Variants in UBE4B observed in about 807,000 individuals in gnomAD.
UBE4B encodes ubiquitination factor E4B.
In UBE4B, 27 loss-of-function variants were observed where a neutral mutation model predicts 148.1. The ratio of observed to expected loss-of-function variants is 0.18; its 90% CI spans 0.13 to 0.25. The LOEUF is 0.25. Among genes scored for constraint, UBE4B ranks in the 10% least tolerant of loss-of-function variants. The pLI, the probability that UBE4B is intolerant of heterozygous loss-of-function variation, is 1.00. For missense variants in UBE4B, 1,170 were observed against 1,662.4 expected, an observed-to-expected ratio of 0.70 and a Z score of 5.15; for synonymous variants, 596 against 619.3, an observed-to-expected ratio of 0.96 and a Z score of 0.56.
At chr1:10,162,337 C>T (rs1352469091) in intron 23 of UBE4B, among the ~76,000 whole-genome samples, 1 of 152,004 alleles carries the variant, frequency 6.6e-6, no homozygotes, top group Non-Finnish European at 1.5e-5. Context: ...CTACGCCTGG[C>T]TTATTTTTTG....
intron 1 of UBE4B, among the ~76,000 whole-genome samples, chr1:10,046,007 G>A (rs1008371570): frequency 2.0e-5 from 3 of 152,204 alleles, no homozygotes; most frequent in Non-Finnish European, 4.4e-5. Flanking sequence ...GCAGCTCTGC[G>A]CTCATTAGGA....
rs528801461 is a variant in UBE4B, at chr1:10,043,305, G to A, written c.24+9611G>A. 7.2e-5 allele frequency among the ~76,000 whole-genome samples: 11 copies of A among 151,748 alleles called. No individual in the cohort carries two copies. The South Asian group carries it at 1.9e-3, about 26-fold the overall frequency. ...ATTACAGGTGTGAGCCACCGCACCC[G>A]GCCAACTTTCAGTAAAAACTTACTG... On this transcript the variant is annotated intron_variant, in intron 1 of 27. Transcript: ENST00000343090.
In UBE4B at chr1:10,101,093, C is replaced by G; in HGVS notation, c.348-15C>G. 1 of 1,612,840 alleles carries G rather than the reference C, an allele frequency of 6.2e-7. No homozygotes were observed. Among genetic ancestry groups the G allele is most frequent in the Non-Finnish European group, 8.5e-7 (1 of 1,178,930 alleles). On this transcript the variant is annotated splice_polypyrimidine_tract_variant and intron_variant, in intron 3 of 27. Coordinates refer to ENST00000343090, the MANE Select transcript of UBE4B (RefSeq NM_001105562.3). ...TATAAAAGGTAAAAGGCTTGTTTGTCTTTTGTACTTTAAGCATGTCCCAGG... is the reference window on the plus strand; with the variant it reads ...TATAAAAGGTAAAAGGCTTGTTTGTGTTTTGTACTTTAAGCATGTCCCAGG...
At position 10,130,750 on chromosome 1, in the gene UBE4B, C is replaced by T. The variant is rs780601729; in HGVS notation, c.1848C>T (p.Ala616=). The change falls in exon 14 of 28, where the codon GCC becomes GCT. Residue 616 remains alanine, a synonymous_variant. Coordinates refer to ENST00000343090, the MANE Select transcript of UBE4B (RefSeq NM_001105562.3). ...TTGAAAAATACTTCTCAGGGCCTGC[C>T]ATTACCCTGGAAAACACTCGTGTGG... ...KVVEKYFSGP[A]ITLENTRVVS... 4 of 1,614,116 alleles carry T rather than the reference C, an allele frequency of 2.5e-6. No individual in the cohort carries two copies. The highest frequency in any genetic ancestry group is 3.4e-6 in the Non-Finnish European group (4 of 1,180,010).
intron 21 of UBE4B, among the ~76,000 whole-genome samples, chr1:10,155,788 C>T (rs762130708): frequency 3.0e-4 from 45 of 152,136 alleles, no homozygotes; most frequent in Non-Finnish European, 5.0e-4. Flanking sequence ...TTTGGGAGTC[C>T]GAGACAGGTG....
chr1:10,161,009 C>G lies in UBE4B; in HGVS notation c.3054-133C>G. The G allele has an allele frequency of 1.1e-6, 1 of 924,576 alleles. No individual in the cohort carries two copies. The highest frequency in any genetic ancestry group is 1.6e-6 in the Non-Finnish European group (1 of 607,348). 57.3% of individuals were successfully genotyped at this position (924,576 alleles called of 1,614,324 possible). On this transcript the variant is annotated intron_variant, in intron 22 of 27. Transcript: ENST00000343090. The surrounding 1 kb of genome is among the most constrained non-coding windows in gnomAD (Gnocchi z 4.1). ...GGTCCTTGAATTCCATAGTGCCTGA[C>G]TTGTGCCAGGGTAGCCAGGCTTTTA...
At chr1:10,131,781 T>C (rs1298122614) in intron 14 of UBE4B, among the ~76,000 whole-genome samples, 1 of 151,904 alleles carries the variant, frequency 6.6e-6, no homozygotes, top group Non-Finnish European at 1.5e-5. Context: ...TGAAACCCCA[T>C]CTCTACTAAA....
chr1:10,047,277 G>A (rs1011589363), intron 1 of UBE4B, among the ~76,000 whole-genome samples: 1 of 152,098 alleles, frequency 6.6e-6, no homozygotes, highest in African/African-American at 2.4e-5. Context: ...GAAAATCTGG[G>A]TAGGTGGCTG....
At chr1:10,130,194 C>A (rs1204637037) in intron 12 of UBE4B, among the ~76,000 whole-genome samples, 1 of 152,172 alleles carries the variant, frequency 6.6e-6, no homozygotes, top group Non-Finnish European at 1.5e-5. Flanking sequence ...TTGGCCTCAG[C>A]CTCCCCAGTA....
At chr1:10,037,596 C>T (rs887349708) in intron 1 of UBE4B, among the ~76,000 whole-genome samples, 9 of 151,554 alleles carry the variant, frequency 5.9e-5, no homozygotes, top group African/African-American at 1.7e-4. Flanking sequence ...CTGGCTCTAT[C>T]GCCCAGTCTG....
chr1:10,139,022 C>G (rs1645741919), intron 17 of UBE4B, among the ~76,000 whole-genome samples: 1 of 152,114 alleles, frequency 6.6e-6, no homozygotes, highest in Admixed American at 6.6e-5. Context: ...TGCATCTGTT[C>G]AAAAGAAAGC....
chr1:10,104,389 A>G lies in UBE4B; in HGVS notation c.581-1127A>G, dbSNP rs143963599. Among the ~76,000 whole-genome samples the G allele has an allele frequency of 3.4e-3, 516 of 152,286 alleles. 2 individuals carry two copies. Among genetic ancestry groups the G allele is most frequent in the African/African-American group, 0.011 (469 of 41,560 alleles). On this transcript the variant is annotated intron_variant, in intron 5 of 27. Transcript: ENST00000343090. Reference sequence around the variant, plus strand: ...TGTGCTGGAGTGGTTTTTTTGGCCTATCACTGGAATGTAACTTCCCTCATG... The same window carrying G: ...TGTGCTGGAGTGGTTTTTTTGGCCTGTCACTGGAATGTAACTTCCCTCATG...
In UBE4B at chr1:10,137,088, C is replaced by T; in HGVS notation, c.2246C>T (p.Ser749Phe). Residue 749 changes from serine (S) to phenylalanine (F), a missense_variant, in exon 17 of 28, where the codon TCT becomes TTT. This residue lies in a region of UBE4B where 388 missense variants were observed against 536.0 expected (regional missense o/e 0.72). Transcript: ENST00000343090. ...TELYGDQPPF[S>F]EPKFPTECFF... Reference sequence around the variant, plus strand: ...CTAGATGGCGATCAGCCTCCATTTTCTGAGCCGAAATTCCCTACGGAGTGC... The same window carrying T: ...CTAGATGGCGATCAGCCTCCATTTTTTGAGCCGAAATTCCCTACGGAGTGC... The T allele has an allele frequency of 1.9e-6, 3 of 1,614,184 alleles. No homozygotes were observed. The highest frequency in any genetic ancestry group is 2.5e-6 in the Non-Finnish European group (3 of 1,180,034).
intron 2 of UBE4B, among the ~76,000 whole-genome samples, chr1:10,089,211 T>C (rs1382596712): frequency 6.6e-6 from 1 of 152,054 alleles, no homozygotes; most frequent in African/African-American, 2.4e-5. Flanking sequence ...TTCACCATAT[T>C]GGCCAGGATG....
At chr1:10,048,842 T>G (rs1199384176) in intron 1 of UBE4B, among the ~76,000 whole-genome samples, 1 of 152,226 alleles carries the variant, frequency 6.6e-6, no homozygotes, top group East Asian at 1.9e-4. Context: ...CATCTGTAGT[T>G]GGCAGAAGCC....
chr1:10,116,439 G>A (rs922073349), intron 7 of UBE4B, among the ~76,000 whole-genome samples: 15 of 152,080 alleles, frequency 9.9e-5, no homozygotes, highest in Non-Finnish European at 2.1e-4. Flanking sequence ...TACCATACCC[G>A]GCCATATTAC....
In UBE4B at chr1:10,168,017, G is replaced by A. The variant is rs1646280309; in HGVS notation, c.3199-119G>A. ...AGTTATCTGGGACATGTGGCAGGCG[G>A]TTCTGTCATTCCCTAAGCATGTTGG... On this transcript the variant is annotated intron_variant, in intron 23 of 27. Transcript: ENST00000343090. This position sits in a 1 kb window ranked among gnomAD's most constrained non-coding sequence, Gnocchi z 4.9. The A allele has an allele frequency of 8.0e-7, 1 of 1,248,720 alleles. No homozygotes were observed. Among genetic ancestry groups the A allele is most frequent in the Non-Finnish European group, 1.1e-6 (1 of 947,882 alleles). 77.4% of individuals were successfully genotyped at this position (1,248,720 alleles called of 1,614,324 possible). A position where few individuals can be genotyped will look rare whatever the true frequency, so the allele number is the denominator to read the frequency against.
chr1:10,092,782 C>T (rs1296568581), intron 2 of UBE4B, among the ~76,000 whole-genome samples: 2 of 151,630 alleles, frequency 1.3e-5, no homozygotes, highest in South Asian at 2.1e-4. Flanking sequence ...GAGCCGAGAT[C>T]GTGCCATTGC....
At chr1:10,084,549 A>G (rs1395710179) in intron 2 of UBE4B, among the ~76,000 whole-genome samples, 1 of 149,270 alleles carries the variant, frequency 6.7e-6, no homozygotes, top group Non-Finnish European at 1.5e-5. Flanking sequence ...GAAAGCTCTG[A>G]AAAAAAAAAC....
Sources: gnomAD v4.1 joint callset for allele counts (sites outside exome capture counted in the v4.1 genomes callset) on GRCh38, gnomAD v4.1.1 for gene constraint, gnomAD v4.1.1 regional missense constraint, Gnocchi (gnomAD v3.1) non-coding constraint, MANE v1.5 for transcripts, NCBI Gene and HGNC (gene_info 2026-07-23, HGNC 2026-07-21) for gene names.